The following NDUFAF1 variants were observed in gnomAD, a reference collection of about 807,000 sequenced individuals.
The protein encoded by NDUFAF1 is complex I intermediate-associated protein 30, mitochondrial.
In NDUFAF1, 18 loss-of-function variants were observed where a neutral mutation model predicts 28.7. The observed-to-expected ratio is 0.63, with a 90% CI of 0.43 to 0.93. The LOEUF is 0.93. Ranked by LOEUF, NDUFAF1 falls within the 40% of genes least tolerant of loss-of-function variation. The pLI is 0.00. For missense variants in NDUFAF1, 404 were observed against 398.3 expected (o/e 1.01, Z -0.12); for synonymous variants, 113 against 139.7 (o/e 0.81, Z 1.35).
chr15:41,396,792 C>T lies in NDUFAF1; in HGVS notation c.268G>A (p.Ala90Thr), dbSNP rs752674025. The change falls in exon 2 of 5, where the codon GCA becomes ACA. Residue 90 changes from alanine (A) to threonine (T), a missense_variant. Physicochemically the swap from Ala to Thr is moderately conservative, Grantham distance 58. Transcript: ENST00000260361. ...TTCAAAAGCCTAAAATGGTATATTG[C>T]TTCATCTCTAATTGCTTTATCGAAA... ...VSFDKAIRDE[A>T]IYHFRLLKDE... is the part of the protein sequence containing the mutation. 15 of 1,614,004 alleles carry T rather than the reference C, an allele frequency of 9.3e-6. No individual in the cohort carries two copies. The highest frequency in any genetic ancestry group is 4.4e-5 in the South Asian group (4 of 91,080).
chr15:41,397,376 A>T (rs1413470972), intron 1 of NDUFAF1, among the ~76,000 whole-genome samples: 1 of 152,094 alleles, frequency 6.6e-6, no homozygotes, highest in Non-Finnish European at 1.5e-5. Flanking sequence ...CAGCCACCCA[A>T]GTAGCTGGGA....
Position 41,393,148 on chromosome 15 carries a change from G to A in NDUFAF1, c.759+1711C>T, listed in dbSNP as rs796205245. 1.3e-4 allele frequency among the ~76,000 whole-genome samples: 19 copies of A among 142,898 alleles called. No homozygotes were observed. The East Asian group carries it at 2.0e-3, about 15-fold the overall frequency. 93.7% of individuals were successfully genotyped at this position (142,898 alleles called of 152,430 possible). A position where few individuals can be genotyped will look rare whatever the true frequency, so the allele number is the denominator to read the frequency against. ...TTTTTTTTTTTTTTTTTTTTGAGAC[G>A]GAGTCTTGCTCTGTTGCCCAGGCTG... On this transcript the variant is annotated intron_variant, in intron 3 of 4. Coordinates refer to ENST00000260361, the MANE Select transcript of NDUFAF1 (RefSeq NM_016013.4).
chr15:41,389,552 A>G (rs751018860), intron 3 of NDUFAF1, among the ~76,000 whole-genome samples: 9 of 152,000 alleles, frequency 5.9e-5, no homozygotes, highest in Admixed American at 3.3e-4. Flanking sequence ...AATAGGATCA[A>G]CTGAGCCCAG....
intron 3 of NDUFAF1, among the ~76,000 whole-genome samples, chr15:41,394,620 CTTTTTTTTTTT>C (rs35958824): frequency 3.6e-5 from 2 of 55,576 alleles, no homozygotes; most frequent in Admixed American, 2.1e-4. Flanking sequence ...ATCTCCAAGA[CTTTTTTTTTTT>C]TTTTTTTTTT....
At chr15:41,394,000 C>T (rs926765519) in intron 3 of NDUFAF1, 4 of 293,772 alleles carry the variant, frequency 1.4e-5, no homozygotes, top group East Asian at 9.2e-5. Flanking sequence ...TGAGCCACCA[C>T]GCCTGGCCTA....
intron 4 of NDUFAF1, 136 bp downstream of exon 4, chr15:41,388,312 T>A (rs2050275678): frequency 1.4e-6 from 1 of 706,614 alleles, no homozygotes; most frequent in African/African-American, 1.8e-5. Flanking sequence ...TAAGTCAGCC[T>A]CTGGCTGGGT....
At chr15:41,388,646 A>G in intron 3 of NDUFAF1, 124 bp from the exon 4 acceptor site, 4 of 689,934 alleles carry the variant, frequency 5.8e-6, no homozygotes, top group Non-Finnish European at 7.7e-6. Context: ...ATTATGACAA[A>G]TGGCTAGCCA....
At chr15:41,400,945 C>G (rs995597006) in intron 1 of NDUFAF1, among the ~76,000 whole-genome samples, 2 of 151,660 alleles carry the variant, frequency 1.3e-5, no homozygotes, top group African/African-American at 4.9e-5. Context: ...GATACAGACA[C>G]CAATAGGTAA....
Position 41,396,573 on chromosome 15 carries a change from G to C in NDUFAF1, c.487C>G (p.Leu163Val). The part of the protein sequence containing the change: ...KMGKNNQSAL[L>V]YGTLSSEAPQ... ...GCCTCAGAGCTCAGAGTTCCATATAGCAGTGCACTTTGGTTATTCTTGCCC... is the reference window on the plus strand; with the variant it reads ...GCCTCAGAGCTCAGAGTTCCATATACCAGTGCACTTTGGTTATTCTTGCCC... The change falls in exon 2 of 5, where the codon CTA becomes GTA. Residue 163 changes from leucine (L) to valine (V), a missense_variant. Physicochemically the swap from Leu to Val is conservative, Grantham distance 32. Transcript: ENST00000260361. 1 of 1,614,040 alleles carries C rather than the reference G, an allele frequency of 6.2e-7. No individual in the cohort carries two copies. The highest frequency in any genetic ancestry group is 1.1e-5 in the South Asian group (1 of 91,084).
At chr15:41,392,017 G>T (rs2050322155) in intron 3 of NDUFAF1, among the ~76,000 whole-genome samples, 3 of 151,812 alleles carry the variant, frequency 2.0e-5, no homozygotes, top group Non-Finnish European at 4.4e-5. Context: ...GAAGACAGGG[G>T]TCCGATATTG....
At chr15:41,400,688 A>ATTTTTTTTTTTTTTTTTTTT (rs58010983) in intron 1 of NDUFAF1, among the ~76,000 whole-genome samples, 2 of 97,822 alleles carry the variant, frequency 2.0e-5, no homozygotes, top group Non-Finnish European at 3.8e-5. Context: ...ATGCCCAGCT[A>ATTTTTTTTTTTTTTTTTTTT]TTTTTTTTTT....
chr15:41,398,653 T>G (rs28897479), intron 1 of NDUFAF1, among the ~76,000 whole-genome samples: 27,862 of 151,948 alleles, frequency 0.18, 3,348 homozygotes, highest in Non-Finnish European at 0.26. Context: ...CATGCCCAGC[T>G]AATTTTTTTA....
Position 41,397,040 on chromosome 15 carries a change from A to T in NDUFAF1, c.20T>A (p.Leu7Ter). Residue 7 changes from leucine (L) to a stop codon, truncating the protein, a stop_gained, in exon 2 of 5, where the codon TTG becomes TAG. Coordinates refer to ENST00000260361, the MANE Select transcript of NDUFAF1 (RefSeq NM_016013.4). LOFTEE classifies it high-confidence loss of function. ...TCTGAGAAAATAAGTACCACGCAGC[A>T]ATTTGTGAACCAAAGCCATGGTACA... Reference protein sequence around the residue: MALVHKLLRGTYFLRKF... With the variant: MALVHK 6.2e-7 allele frequency: 1 copy of T among 1,613,530 alleles called. No homozygotes were observed. The highest frequency in any genetic ancestry group is 8.5e-7 in the Non-Finnish European group (1 of 1,179,896).
intron 1 of NDUFAF1, among the ~76,000 whole-genome samples, chr15:41,398,877 C>T (rs942784023): frequency 2.0e-5 from 3 of 151,822 alleles, no homozygotes; most frequent in African/African-American, 7.3e-5. Context: ...ATCACTTGAA[C>T]CCAGGAGGCG....
rs2050386764 is a variant in NDUFAF1 at position 41,396,422 on chromosome 15, A to C, written c.573+65T>G. The C allele has an allele frequency of 2.7e-6, 4 of 1,478,734 alleles. No individual in the cohort carries two copies. The African/African-American group carries it at 4.2e-5, about 15-fold the overall frequency. The allele number at this position is 1,478,734 out of a possible 1,614,324, so 91.6% of individuals were successfully genotyped here. A position where few individuals can be genotyped will look rare whatever the true frequency, so the allele number is the denominator to read the frequency against. ...TACAGAAACAAAAGCTATCTTCTAT[A>C]GTTTATGCTACAATGAAGTTCACCC... On this transcript the variant is annotated intron_variant, in intron 2 of 4. Coordinates refer to ENST00000260361, the MANE Select transcript of NDUFAF1 (RefSeq NM_016013.4).
chr15:41,402,498 G>A (rs180848130), upstream of NDUFAF1: 1 of 347,038 alleles, frequency 2.9e-6, no homozygotes, highest in Non-Finnish European at 5.8e-6. Flanking sequence ...TACCCGTATA[G>A]GTCCATCTGC....
At chr15:41,389,541 C>CA (rs1458414145) in intron 3 of NDUFAF1, among the ~76,000 whole-genome samples, 2 of 151,956 alleles carry the variant, frequency 1.3e-5, no homozygotes, top group Non-Finnish European at 2.9e-5. Context: ...GAGGCCAACA[C>CA]AATAGGATCA....
At chr15:41,387,703 A>G in intron 4 of NDUFAF1, 110 bp from the exon 5 acceptor site, 1 of 860,204 alleles carries the variant, frequency 1.2e-6, no homozygotes, top group Non-Finnish European at 1.9e-6. Flanking sequence ...TTTTAATGCT[A>G]TCAGCCCTTA....
chr15:41,396,431 T>A, intron 2 of NDUFAF1, 56 bp downstream of exon 2: 5 of 1,522,474 alleles, frequency 3.3e-6, no homozygotes, highest in Non-Finnish European at 2.7e-6. Flanking sequence ...TAGTTTATGC[T>A]ACAATGAAGT....
Sources: allele counts gnomAD v4.1 joint callset (sites outside exome capture counted in the v4.1 genomes callset), GRCh38; gene constraint gnomAD v4.1.1; transcripts MANE v1.5; gene names NCBI Gene and HGNC (gene_info 2026-07-23, HGNC 2026-07-21).